The following NEK7 variants were observed in gnomAD, a reference collection of about 807,000 sequenced individuals.
NEK7 encodes NIMA related kinase 7.
Under a neutral mutation model 44.6 loss-of-function variants are expected in NEK7, and 18 were observed. The observed-to-expected ratio is 0.40, with a 90% CI of 0.28 to 0.60. NEK7 has a LOEUF of 0.60. NEK7 is among the 20% of genes least tolerant of loss of function. NEK7 has a pLI of 0.38. For synonymous variants in NEK7, 130 were observed against 121.1 expected (o/e 1.07, Z -0.48); for missense variants, 256 against 366.5 (o/e 0.70, Z 2.46).
At chr1:198,248,082 G>C (rs34480901) in intron 2 of NEK7, among the ~76,000 whole-genome samples, 26,631 of 152,072 alleles carry the variant, frequency 0.18, 3,375 homozygotes, top group African/African-American at 0.33. Context: ...GGGGGTGTGA[G>C]GAGAATGGTA....
chr1:198,295,806 C>CTATTATTAT (rs35583566), intron 8 of NEK7, among the ~76,000 whole-genome samples: 262 of 146,446 alleles, frequency 1.8e-3, no homozygotes, highest in African/African-American at 2.2e-3. Context: ...ACAAAAACCA[C>CTATTATTAT]TATTATTATT....
chr1:198,302,060 A>T (rs555825063), intron 9 of NEK7, among the ~76,000 whole-genome samples: 147 of 152,336 alleles, frequency 9.6e-4, no homozygotes, highest in African/African-American at 2.7e-3. Context: ...CCCAGTGATC[A>T]GTTTCCACAT....
At chr1:198,205,704 G>A (rs1665576438) in intron 1 of NEK7, among the ~76,000 whole-genome samples, 1 of 151,612 alleles carries the variant, frequency 6.6e-6, no homozygotes, top group Non-Finnish European at 1.5e-5. Flanking sequence ...CTAAGGTACA[G>A]TCTCAGATTT....
chr1:198,212,569 CTGCTTG>C (rs1341567233), intron 1 of NEK7, among the ~76,000 whole-genome samples: 1 of 152,222 alleles, frequency 6.6e-6, no homozygotes, highest in African/African-American at 2.4e-5. Context: ...ACTGGGGCCA[CTGCTTG>C]TGCCTGCACG....
chr1:198,230,888 A>C (rs1185235282), intron 1 of NEK7, among the ~76,000 whole-genome samples: 1 of 152,040 alleles, frequency 6.6e-6, no homozygotes, highest in Non-Finnish European at 1.5e-5. Context: ...AGTATAATGA[A>C]ACTGGAAGCC....
rs879763246 is a variant in NEK7, at chr1:198,231,309, A to G, written c.-28-1244A>G. On this transcript the variant is annotated intron_variant, in intron 1 of 9. Transcript: ENST00000367385. ...TACGTGTATGTGTGTGTGTATATAT[A>G]TATATATATATATATATATATATAT... Among the ~76,000 whole-genome samples the G allele has an allele frequency of 7.2e-3, 715 of 99,840 alleles. 27 individuals carry two copies. Among genetic ancestry groups the G allele is most frequent in the Admixed American group, 0.051 (518 of 10,144 alleles). 65.5% of individuals were successfully genotyped at this position (99,840 alleles called of 152,430 possible).
At chr1:198,266,558 A>G (rs1653662018) in intron 5 of NEK7, among the ~76,000 whole-genome samples, 2 of 152,100 alleles carry the variant, frequency 1.3e-5, no homozygotes, top group South Asian at 2.1e-4. Context: ...TGATTATAAC[A>G]GGATCTCTGA....
rs1305705538 is a variant in NEK7, at chr1:198,320,502, C to T, written c.*980C>T. The T allele has an allele frequency of 6.6e-6, 1 of 152,008 alleles. No homozygotes were observed. Among genetic ancestry groups the T allele is most frequent in the Admixed American group, 6.6e-5 (1 of 15,258 alleles). 9.4% of individuals were successfully genotyped at this position (152,008 alleles called of 1,614,324 possible). A position where few individuals can be genotyped will look rare whatever the true frequency, so the allele number is the denominator to read the frequency against. ...TTTATATTATTCTTCAAGTTACTTT[C>T]TTATTTATATTGTATGTGCATTTTA... On this transcript the variant is annotated 3_prime_UTR_variant, in exon 10 of 10. Transcript: ENST00000367385.
chr1:198,164,691 G>A (rs1366124049), intron 1 of NEK7, among the ~76,000 whole-genome samples: 1 of 152,174 alleles, frequency 6.6e-6, no homozygotes, highest in East Asian at 1.9e-4. Context: ...TATTTTTGCT[G>A]GTGGAGGGTC....
intron 1 of NEK7, among the ~76,000 whole-genome samples, chr1:198,179,646 GCTAAACAGT>G (rs1208697934): frequency 1.3e-5 from 2 of 152,120 alleles, no homozygotes; most frequent in African/African-American, 2.4e-5. Flanking sequence ...TGGATTTTGG[GCTAAACAGT>G]CTTTCTGTGG....
chr1:198,292,922 T>G, intron 7 of NEK7, 23 bp from the exon 8 acceptor site: 1 of 1,272,398 alleles, frequency 7.9e-7, no homozygotes, highest in Non-Finnish European at 1.1e-6. Context: ...ACCTCTTACT[T>G]TATTTGGTTT....
chr1:198,165,493 G>A (rs1664237327), intron 1 of NEK7, among the ~76,000 whole-genome samples: 1 of 152,158 alleles, frequency 6.6e-6, no homozygotes, highest in Middle Eastern at 3.2e-3. Context: ...ATTTCCATCA[G>A]AGCTGTTGGT....
chr1:198,227,258 C>T (rs1278995417), intron 1 of NEK7, among the ~76,000 whole-genome samples: 75 of 152,234 alleles, frequency 4.9e-4, no homozygotes, highest in Non-Finnish European at 2.9e-5. Context: ...TTTCTTAATC[C>T]AGTCTATCAT....
intron 7 of NEK7, among the ~76,000 whole-genome samples, chr1:198,284,132 C>T (rs1654296994): frequency 6.6e-6 from 1 of 152,120 alleles, no homozygotes; most frequent in Non-Finnish European, 1.5e-5. Flanking sequence ...CTTACACATA[C>T]ATGTGAGCTA....
chr1:198,252,125 G>A (rs1027306550), intron 2 of NEK7, among the ~76,000 whole-genome samples: 3 of 151,964 alleles, frequency 2.0e-5, no homozygotes, highest in African/African-American at 4.8e-5. Context: ...CCTTCATTTC[G>A]TTATGTACCC....
At chr1:198,201,405 G>T (rs1665426011) in intron 1 of NEK7, among the ~76,000 whole-genome samples, 1 of 152,030 alleles carries the variant, frequency 6.6e-6, no homozygotes, top group African/African-American at 2.4e-5. Flanking sequence ...GCCTGTTTTT[G>T]TAAATAAAGT....
At chr1:198,163,531 A>T (rs913387587) in intron 1 of NEK7, among the ~76,000 whole-genome samples, 4 of 152,142 alleles carry the variant, frequency 2.6e-5, no homozygotes, top group African/African-American at 9.7e-5. Context: ...ATAAAAAAAA[A>T]ATTAAAAAAA....
At chr1:198,310,988 G>A (rs1434897749) in intron 9 of NEK7, among the ~76,000 whole-genome samples, 3 of 149,154 alleles carry the variant, frequency 2.0e-5, no homozygotes, top group Non-Finnish European at 4.4e-5. Context: ...GTCATTGGTA[G>A]CTTGATGGGA....
rs745749027 is a variant in NEK7 at position 198,253,064 on chromosome 1, T to C, written c.82T>C (p.Tyr28His). 40 of 1,612,418 alleles carry C rather than the reference T, an allele frequency of 2.5e-5. No homozygotes were observed. The highest frequency in any genetic ancestry group is 3.0e-5 in the Non-Finnish European group (35 of 1,178,974). ...GAAGGCCTTACGACCGGATATGGGCTATAATACATTAGCCAACTTTCGAAT... is the reference window on the plus strand; with the variant it reads ...GAAGGCCTTACGACCGGATATGGGCCATAATACATTAGCCAACTTTCGAAT... ...PQKALRPDMG[Y>H]NTLANFRIEK... Residue 28 changes from tyrosine (Y) to histidine (H), a missense_variant, in exon 3 of 10, where the codon TAT (tyrosine) becomes CAT (histidine). Tyr to His is a moderately conservative substitution (Grantham distance 83). Coordinates refer to ENST00000367385, the MANE Select transcript of NEK7 (RefSeq NM_133494.3).
Sources: gnomAD v4.1 joint callset for allele counts (sites outside exome capture counted in the v4.1 genomes callset) on GRCh38, gnomAD v4.1.1 for gene constraint, MANE v1.5 for transcripts, NCBI Gene and HGNC (gene_info 2026-07-23, HGNC 2026-07-21) for gene names.